The following GPC6 variants were observed in gnomAD, a reference collection of about 807,000 sequenced individuals.
GPC6 encodes glypican-6.
GPC6 carries 14 observed loss-of-function variants against 55.2 expected under a neutral mutation model. That is an observed-to-expected ratio of 0.25 (90% CI 0.17 to 0.40). GPC6 has a LOEUF of 0.40. Among genes scored for constraint, GPC6 ranks in the 10% least tolerant of loss-of-function variants. GPC6 has a pLI of 1.00. For missense variants in GPC6, 641 were observed against 708.5 expected, an observed-to-expected ratio of 0.90 and a Z score of 1.08; for synonymous variants, 278 against 259.6, an observed-to-expected ratio of 1.07 and a Z score of -0.68.
At chr13:94,164,097 C>A (rs1272858627) in intron 4 of GPC6, among the ~76,000 whole-genome samples, 1 of 152,162 alleles carries the variant, frequency 6.6e-6, no homozygotes, top group Non-Finnish European at 1.5e-5. Context: ...AGATCACTGA[C>A]CACCTGGTTG....
intron 1 of GPC6, among the ~76,000 whole-genome samples, chr13:93,371,989 C>T (rs1439047973): frequency 2.0e-5 from 3 of 152,084 alleles, no homozygotes; most frequent in African/African-American, 4.8e-5. Flanking sequence ...ATCAGTCCCA[C>T]GTTAGTGAAA....
intron 2 of GPC6, among the ~76,000 whole-genome samples, chr13:93,812,965 C>G (rs1007795887): frequency 6.6e-5 from 10 of 152,152 alleles, no homozygotes; most frequent in African/African-American, 2.4e-4. Flanking sequence ...AATAATGCAT[C>G]ATTCCACTTA....
At chr13:93,377,188 G>T (rs962838915) in intron 1 of GPC6, among the ~76,000 whole-genome samples, 4 of 152,174 alleles carry the variant, frequency 2.6e-5, no homozygotes, top group Non-Finnish European at 4.4e-5. Flanking sequence ...GGTACTTCAT[G>T]CTTAGGGTAA....
chr13:93,291,992 G>A (rs1878334412), intron 1 of GPC6, among the ~76,000 whole-genome samples: 1 of 152,138 alleles, frequency 6.6e-6, no homozygotes, highest in African/African-American at 2.4e-5. Flanking sequence ...CTACAGTATA[G>A]CATTTAATAG....
chr13:93,415,474 A>G (rs1006791778), intron 1 of GPC6, among the ~76,000 whole-genome samples: 1 of 152,100 alleles, frequency 6.6e-6, no homozygotes, highest in African/African-American at 2.4e-5. Context: ...ATTTTTAGAA[A>G]TGTATAATTC....
At chr13:94,167,396 G>A (rs114739902) in intron 4 of GPC6, among the ~76,000 whole-genome samples, 4,006 of 152,158 alleles carry the variant, frequency 0.026, 186 homozygotes, top group African/African-American at 0.091. Flanking sequence ...AAAGATGGAC[G>A]AGAAGATTCT....
chr13:93,221,764 G>C, the GPC6 span, among the ~76,000 whole-genome samples: 8 of 152,196 alleles, frequency 5.3e-5, no homozygotes, highest in African/African-American at 1.9e-4. Context: ...TTAAATTTCT[G>C]ACAGCTTTTT....
At chr13:94,201,089 G>A (rs141191620) in intron 4 of GPC6, among the ~76,000 whole-genome samples, 14 of 152,348 alleles carry the variant, frequency 9.2e-5, no homozygotes, top group African/African-American at 3.1e-4. Flanking sequence ...GCTGCATGAA[G>A]TTAGCACACT....
chr13:93,736,154 C>T (rs1178973420), intron 2 of GPC6, among the ~76,000 whole-genome samples: 2 of 152,192 alleles, frequency 1.3e-5, no homozygotes, highest in African/African-American at 4.8e-5. Flanking sequence ...ATGGAAGGCT[C>T]TCAGGGGCCC....
At chr13:93,585,986 A>G (rs1240820685) in intron 2 of GPC6, among the ~76,000 whole-genome samples, 1 of 152,050 alleles carries the variant, frequency 6.6e-6, no homozygotes, top group Non-Finnish European at 1.5e-5. Context: ...TTGTAAGTTC[A>G]AGGATACATG....
chr13:93,723,591 A>T (rs983529166), intron 2 of GPC6, among the ~76,000 whole-genome samples: 1 of 151,994 alleles, frequency 6.6e-6, no homozygotes, highest in Non-Finnish European at 1.5e-5. Flanking sequence ...TGGCATAAGG[A>T]ATCTTGTTCT....
At chr13:94,228,412 A>G (rs1160031934) in intron 4 of GPC6, among the ~76,000 whole-genome samples, 1 of 151,950 alleles carries the variant, frequency 6.6e-6, no homozygotes, top group Non-Finnish European at 1.5e-5. Flanking sequence ...TATGAAGAAG[A>G]AGATGTTTTT....
intron 3 of GPC6, among the ~76,000 whole-genome samples, chr13:93,857,907 G>A (rs1728454859): frequency 6.6e-6 from 1 of 151,378 alleles, no homozygotes; most frequent in Admixed American, 6.6e-5. Flanking sequence ...TGATCTTTGT[G>A]GGCCATAGAT....
intron 3 of GPC6, among the ~76,000 whole-genome samples, chr13:93,984,644 A>G (rs985976147): frequency 2.0e-5 from 3 of 152,198 alleles, no homozygotes; most frequent in East Asian, 3.9e-4. Context: ...TAAAACATGT[A>G]GCTTTCATTT....
At position 93,275,474 on chromosome 13, in the gene GPC6, T is replaced by G. The variant is rs149984409; in HGVS notation, c.160+47858T>G. Among the ~76,000 whole-genome samples the G allele has an allele frequency of 1.1e-4, 16 of 152,312 alleles. No individual in the cohort carries two copies. The East Asian group carries it at 2.9e-3, about 28-fold the overall frequency. On this transcript the variant is annotated intron_variant, in intron 1 of 8. Transcript: ENST00000377047. ...CATAATGTAAGTGGGAGCACAGGAA[T>G]CAATTAGTATATTAGTTTTCTGGAG...
At chr13:94,290,462 A>C (rs1421466906) in intron 5 of GPC6, among the ~76,000 whole-genome samples, 1 of 151,776 alleles carries the variant, frequency 6.6e-6, no homozygotes, top group Non-Finnish European at 1.5e-5. Context: ...AAAAGAAAAA[A>C]AGAAATTGGC....
intron 3 of GPC6, among the ~76,000 whole-genome samples, chr13:93,835,244 A>T (rs979890871): frequency 6.6e-6 from 1 of 152,132 alleles, no homozygotes; most frequent in Non-Finnish European, 1.5e-5. Context: ...GCTTGAGCTC[A>T]AGAGTTCAAG....
At chr13:94,140,016 A>G (rs1184803880) in intron 4 of GPC6, among the ~76,000 whole-genome samples, 1 of 151,988 alleles carries the variant, frequency 6.6e-6, no homozygotes, top group Non-Finnish European at 1.5e-5. Context: ...TTATATCATC[A>G]TGAGAAAATT....
rs574365285 is a variant in GPC6, at chr13:93,500,143, A to G, written c.161-45120A>G. Among the ~76,000 whole-genome samples the G allele has an allele frequency of 2.6e-5, 4 of 152,270 alleles. No individual in the cohort carries two copies. The South Asian group carries it at 8.3e-4, about 32-fold the overall frequency. On this transcript the variant is annotated intron_variant, in intron 1 of 8. Transcript: ENST00000377047. ...CTTAAACCCACCACGAGCAGATAGG[A>G]CAGATGCTGTAAGCAATTCCAGGTT...
Sources: allele counts gnomAD v4.1 joint callset (sites outside exome capture counted in the v4.1 genomes callset), GRCh38; gene constraint gnomAD v4.1.1; transcripts MANE v1.5; gene names NCBI Gene and HGNC (gene_info 2026-07-23, HGNC 2026-07-21).